APTX: variants seen among roughly 807,000 people sequenced by gnomAD.
APTX encodes the protein forkhead-associated domain histidine triad-like protein.
APTX carries 33 observed loss-of-function variants against 42.3 expected under a neutral mutation model. That is an observed-to-expected ratio of 0.78 (90% CI 0.59 to 1.04). The LOEUF (loss-of-function observed/expected upper bound fraction) is 1.04, where lower values mean the gene tolerates loss of function less well. Among genes scored for constraint, APTX ranks in the 50% least tolerant of loss-of-function variants. APTX has a pLI of 0.00. For synonymous variants in APTX, 130 were observed against 146.7 expected (o/e 0.89, Z 0.82); for missense variants, 421 against 415.1 (o/e 1.01, Z -0.12).
chr9:32,974,746 T>A (rs1202741177), intron 6 of APTX, among the ~76,000 whole-genome samples, 185 bp from the exon 7 acceptor site: 2 of 152,218 alleles, frequency 1.3e-5, no homozygotes, highest in African/African-American at 4.8e-5. Flanking sequence ...GAATATTTAA[T>A]GCTCAATAAG....
intron 1 of APTX, among the ~76,000 whole-genome samples, chr9:33,021,307 G>A (rs1253771586): frequency 6.6e-6 from 1 of 152,058 alleles, no homozygotes; most frequent in African/African-American, 2.4e-5. Flanking sequence ...TTCATGAGTA[G>A]GAAGATTCGA....
intron 1 of APTX, among the ~76,000 whole-genome samples, chr9:33,009,068 T>C (rs1451788241): frequency 3.3e-5 from 5 of 152,246 alleles, no homozygotes; most frequent in Non-Finnish European, 7.3e-5. Context: ...TCTCCCACTA[T>C]GTGCTGATTT....
rs775254022 is a variant in APTX, at chr9:32,986,049, A to C, written c.484-19T>G. On this transcript the variant is annotated intron_variant, in intron 4 of 7. Coordinates refer to ENST00000379817, the MANE Select transcript of APTX (RefSeq NM_001195248.2). ...GGGATTCCTAAAAAAAAAACAAAAA[A>C]AAAAACAAAAAAAAAAAAAAACAAG... 1.4e-5 allele frequency: 9 copies of C among 664,380 alleles called. No individual in the cohort carries two copies. In the African/African-American group the frequency reaches 1.9e-4, roughly 14 times the overall value. The allele number at this position is 664,380 out of a possible 1,614,324, so 41.2% of individuals were successfully genotyped here.
At chr9:32,983,980 T>A (rs1831296649) in intron 6 of APTX, among the ~76,000 whole-genome samples, 1 of 152,222 alleles carries the variant, frequency 6.6e-6, no homozygotes, top group Non-Finnish European at 1.5e-5. Flanking sequence ...ATTGTACACT[T>A]AAAGATGACT....
intron 6 of APTX, among the ~76,000 whole-genome samples, chr9:32,980,975 A>G (rs1830553134): frequency 6.6e-6 from 1 of 152,250 alleles, no homozygotes; most frequent in Non-Finnish European, 1.5e-5. Flanking sequence ...GCAGAATCCA[A>G]AATGAAATAT....
At chr9:32,974,288 A>C (rs916148312) in intron 7 of APTX, among the ~76,000 whole-genome samples, 170 bp downstream of exon 7, 4 of 152,228 alleles carry the variant, frequency 2.6e-5, no homozygotes, top group Non-Finnish European at 4.4e-5. Context: ...AGTGGCAATA[A>C]TACTACAATC....
At chr9:32,996,733 G>T (rs946638394) in intron 1 of APTX, among the ~76,000 whole-genome samples, 1 of 152,160 alleles carries the variant, frequency 6.6e-6, no homozygotes, top group Non-Finnish European at 1.5e-5. Flanking sequence ...TTCTCTGACT[G>T]TTTAATGTGG....
Position 32,995,865 on chromosome 9 carries a change from G to T in APTX, c.-5+5702C>A, listed in dbSNP as rs1273636929. Among the ~76,000 whole-genome samples, 7 of 149,278 alleles carry T rather than the reference G, an allele frequency of 4.7e-5. No individual in the cohort carries two copies. In the East Asian group the frequency reaches 1.4e-3, roughly 29 times the overall value. On this transcript the variant is annotated intron_variant, in intron 1 of 7. Coordinates refer to ENST00000379817, the MANE Select transcript of APTX (RefSeq NM_001195248.2). ...ATCGCGCCACTGCACTCCAGCCTGG[G>T]CGACAGAGCGAGTCTCCGTCTCAAA...
intron 6 of APTX, among the ~76,000 whole-genome samples, chr9:32,981,228 G>A (rs1262603992): frequency 6.6e-6 from 1 of 152,164 alleles, no homozygotes; most frequent in African/African-American, 2.4e-5. Context: ...GGTACACTAG[G>A]ACTGAACAAG....
chr9:33,001,633 G>T, upstream of APTX: 1 of 1,613,284 alleles, frequency 6.2e-7, no homozygotes. Flanking sequence ...GGCGCTGCGG[G>T]ATGACGTCAG....
intron 4 of APTX, 73 bp from the exon 5 acceptor site, chr9:32,986,103 A>C: frequency 7.1e-7 from 1 of 1,409,278 alleles, no homozygotes; most frequent in Non-Finnish European, 9.9e-7. Flanking sequence ...CCAATAATTA[A>C]ATTTGGCAAC....
upstream of APTX, among the ~76,000 whole-genome samples, chr9:33,003,809 T>C (rs1380665643): frequency 6.6e-6 from 1 of 151,794 alleles, no homozygotes; most frequent in Non-Finnish European, 1.5e-5. Flanking sequence ...TGTCCTCAAG[T>C]TTCATCCACA....
chr9:32,974,459 T>G lies in APTX; in HGVS notation c.873A>C (p.Gln291His). The stretch of plus-strand genomic sequence containing the variant: ...TGAAAACCAAGGAACACTGTTTACC[T>G]TGTGATTCTAGGAAGTATTCTGTAT... Reference protein sequence around the residue: ...SFNTEYFLESQAVIEMVQEAG... With the variant: ...SFNTEYFLESHAVIEMVQEAG... The change falls in exon 7 of 8, where the codon CAA (glutamine) becomes CAC (histidine). Residue 291 changes from glutamine to histidine, a missense_variant and splice_region_variant. Physicochemically the swap from Gln to His is conservative, Grantham distance 24. Coordinates refer to ENST00000379817, the MANE Select transcript of APTX (RefSeq NM_001195248.2). 1.3e-6 allele frequency: 2 copies of G among 1,548,154 alleles called. No homozygotes were observed. The highest frequency in any genetic ancestry group is 1.8e-6 in the Non-Finnish European group (2 of 1,120,384).
At chr9:32,992,420 T>C (rs917043938) in intron 1 of APTX, among the ~76,000 whole-genome samples, 1 of 152,174 alleles carries the variant, frequency 6.6e-6, no homozygotes, top group African/African-American at 2.4e-5. Flanking sequence ...AGAAACCTCC[T>C]GGTTAGAGAT....
chr9:33,010,491 G>A (rs1262265493), intron 1 of APTX, among the ~76,000 whole-genome samples: 6 of 151,906 alleles, frequency 3.9e-5, no homozygotes, highest in East Asian at 1.9e-4. Flanking sequence ...AGGCTGAGGC[G>A]GGTGGATCAC....
intron 1 of APTX, among the ~76,000 whole-genome samples, chr9:33,022,494 A>G (rs1838466952): frequency 6.6e-6 from 1 of 152,248 alleles, no homozygotes; most frequent in African/African-American, 2.4e-5. Flanking sequence ...ATCTACATTC[A>G]TGTTGACTCA....
At chr9:33,004,637 T>TC (rs1836997899), upstream of APTX, among the ~76,000 whole-genome samples, 6 of 146,910 alleles carry the variant, frequency 4.1e-5, no homozygotes, top group South Asian at 1.3e-3. Context: ...ACCCTTTTTT[T>TC]TTTTTTTTTT....
chr9:32,986,037 A>AAAAAC lies in APTX; in HGVS notation c.484-8_484-7insGTTTT, dbSNP rs1831949331. ...TCCAGTGGCCCAGGGATTCCTAAAA[A>AAAAAC]AAAAACAAAAAAAAAAACAAAAAAA... is the stretch of plus-strand genomic sequence containing the variant. On this transcript the variant is annotated splice_polypyrimidine_tract_variant and splice_region_variant and intron_variant, in intron 4 of 7. Coordinates refer to ENST00000379817, the MANE Select transcript of APTX (RefSeq NM_001195248.2). 3.8e-4 allele frequency: 246 copies of AAAAAC among 654,320 alleles called. No individual in the cohort carries two copies. The highest frequency in any genetic ancestry group is 1.3e-3 in the South Asian group (69 of 53,868). 40.5% of individuals were successfully genotyped at this position (654,320 alleles called of 1,614,324 possible).
chr9:32,973,603 C>G lies in APTX; in HGVS notation c.924G>C (p.Gly308=). ...GGGGCAGCTTCAAGAGCTCAGGCAT[C>G]CCATCTCGGACAGTTACTCTACCAG... The part of the protein sequence containing the change: ...QEAGRVTVRD[G]MPELLKLPLR... Residue 308 remains glycine (G), a synonymous_variant, in exon 8 of 8, where the codon GGG becomes GGC. Coordinates refer to ENST00000379817, the MANE Select transcript of APTX (RefSeq NM_001195248.2). 1 of 1,613,780 alleles carries G rather than the reference C, an allele frequency of 6.2e-7. No homozygotes were observed.
Sources: allele counts gnomAD v4.1 joint callset (sites outside exome capture counted in the v4.1 genomes callset), GRCh38; gene constraint gnomAD v4.1.1; transcripts MANE v1.5; gene names NCBI Gene and HGNC (gene_info 2026-07-23, HGNC 2026-07-21).